The following PLA2R1 variants were observed in gnomAD, a reference collection of about 807,000 sequenced individuals.
PLA2R1 encodes the protein phospholipase A2 receptor 1.
PLA2R1 carries 158 observed loss-of-function variants against 195.9 expected under a neutral mutation model. The ratio of observed to expected loss-of-function variants is 0.81; its 90% CI spans 0.71 to 0.92. The LOEUF (loss-of-function observed/expected upper bound fraction) is 0.92, where lower values mean the gene tolerates loss of function less well. Among genes scored for constraint, PLA2R1 ranks in the 40% least tolerant of loss-of-function variants. The pLI, the probability that PLA2R1 is intolerant of heterozygous loss-of-function variation, is 0.00. For missense variants in PLA2R1, 1,626 were observed against 1,764.6 expected, an observed-to-expected ratio of 0.92 and a Z score of 1.41; for synonymous variants, 586 against 598.2, an observed-to-expected ratio of 0.98 and a Z score of 0.30.
Position 159,987,188 on chromosome 2 carries a change from C to T in PLA2R1, c.2005G>A (p.Glu669Lys). The change falls in exon 12 of 30, where the codon GAG becomes AAG. Residue 669 changes from glutamate to lysine, a missense_variant. Glu to Lys is a moderately conservative substitution (Grantham distance 56). Coordinates refer to ENST00000283243, the MANE Select transcript of PLA2R1 (RefSeq NM_007366.5). ...CAACTGGCCAGACCAGGCTCTGACT[C>T]CCAGTCCAAATAGCAGGGGTGAAAG... ...WPFHPCYLDW[E>K]SEPGLASCFK... 1 of 1,614,002 alleles carries T rather than the reference C, an allele frequency of 6.2e-7. No homozygotes were observed. The highest frequency in any genetic ancestry group is 8.5e-7 in the Non-Finnish European group (1 of 1,179,924).
At chr2:160,003,245 G>A (rs1240213769) in intron 11 of PLA2R1, among the ~76,000 whole-genome samples, 1 of 151,680 alleles carries the variant, frequency 6.6e-6, no homozygotes, top group Non-Finnish European at 1.5e-5. Flanking sequence ...AAAATATAAG[G>A]TTATATTTTT....
In PLA2R1 at chr2:159,943,874, C is replaced by T. The variant is rs546649293; in HGVS notation, c.4144+1032G>A. On this transcript the variant is annotated intron_variant, in intron 28 of 29. Coordinates refer to ENST00000283243, the MANE Select transcript of PLA2R1 (RefSeq NM_007366.5). ...GGGGTTTCAAACATTGGTGCCCACACCTGCAGTGTTTTCTTCTTCATTCCC... is the reference window on the plus strand; with the variant it reads ...GGGGTTTCAAACATTGGTGCCCACATCTGCAGTGTTTTCTTCTTCATTCCC... 8.6e-5 allele frequency among the ~76,000 whole-genome samples: 13 copies of T among 151,880 alleles called. 1 individual carries two copies. The highest frequency in any genetic ancestry group is 2.9e-4 in the African/African-American group (12 of 41,380).
rs1032499714 is a variant in PLA2R1, at chr2:160,042,141, T to C, written c.551A>G (p.Tyr184Cys). Residue 184 changes from tyrosine to cysteine, a missense_variant, in exon 3 of 30, where the codon TAT becomes TGT. Tyr to Cys is a radical substitution (Grantham distance 194, BLOSUM62 -2). Coordinates refer to ENST00000283243, the MANE Select transcript of PLA2R1 (RefSeq NM_007366.5). ...ACATTCATGATGCCACTGATGGTTATACTGGAAGGGAAACATACACGGCAT... is the reference window on the plus strand; with the variant it reads ...ACATTCATGATGCCACTGATGGTTACACTGGAAGGGAAACATACACGGCAT... ...HGMPCMFPFQ[Y>C]NHQWHHECTR... is the part of the protein sequence containing the mutation. The C allele has an allele frequency of 2.5e-6, 4 of 1,614,148 alleles. No individual in the cohort carries two copies. Among genetic ancestry groups the C allele is most frequent in the Non-Finnish European group, 3.4e-6 (4 of 1,179,934 alleles).
chr2:159,967,394 C>G, intron 20 of PLA2R1, 145 bp downstream of exon 20: 1 of 629,274 alleles, frequency 1.6e-6, no homozygotes, highest in East Asian at 2.7e-5. Context: ...ATGGAAAACT[C>G]AAATTTCTTG....
intron 1 of PLA2R1, among the ~76,000 whole-genome samples, chr2:160,054,587 T>C (rs1357397755): frequency 6.6e-6 from 1 of 152,228 alleles, no homozygotes; most frequent in African/African-American, 2.4e-5. Flanking sequence ...AAAAGTATCA[T>C]AAATTAAAAA....
chr2:160,016,050 G>C (rs1692721742), intron 9 of PLA2R1, among the ~76,000 whole-genome samples: 1 of 152,090 alleles, frequency 6.6e-6, no homozygotes, highest in Admixed American at 6.5e-5. Context: ...GATCACTTGA[G>C]GTCAGGAGTT....
chr2:160,049,596 G>A (rs190143310), intron 1 of PLA2R1, among the ~76,000 whole-genome samples: 1 of 152,270 alleles, frequency 6.6e-6, no homozygotes, highest in Admixed American at 6.5e-5. Flanking sequence ...GGTGGGGCGT[G>A]GTGGCTCACA....
intron 1 of PLA2R1, among the ~76,000 whole-genome samples, chr2:160,048,871 C>T (rs1695047832): frequency 7.2e-6 from 1 of 137,938 alleles, no homozygotes; most frequent in African/African-American, 2.8e-5. Context: ...GACAGAGTCT[C>T]GCTCTGTCAC....
intron 1 of PLA2R1, among the ~76,000 whole-genome samples, chr2:160,050,474 A>C (rs1695147578): frequency 6.6e-6 from 1 of 152,180 alleles, no homozygotes; most frequent in East Asian, 1.9e-4. Flanking sequence ...TTTGTCTTAG[A>C]AGTTTTATAT....
Position 160,053,104 on chromosome 2 carries a change from G to C in PLA2R1, c.110-7947C>G, listed in dbSNP as rs572605261. Among the ~76,000 whole-genome samples, 20 of 152,234 alleles carry C rather than the reference G, an allele frequency of 1.3e-4. 1 individual carries two copies. The East Asian group carries it at 3.3e-3, about 25-fold the overall frequency. On this transcript the variant is annotated intron_variant, in intron 1 of 29. Coordinates refer to ENST00000283243, the MANE Select transcript of PLA2R1 (RefSeq NM_007366.5). Reference sequence around the variant, plus strand: ...GTGAGATTACAGTGTGGCAGGGATGGTTCCTTCCAAGGGCTATGAGGGAAG... The same window carrying C: ...GTGAGATTACAGTGTGGCAGGGATGCTTCCTTCCAAGGGCTATGAGGGAAG...
intron 10 of PLA2R1, among the ~76,000 whole-genome samples, chr2:160,012,010 A>G (rs1316549581): frequency 2.0e-5 from 3 of 152,116 alleles, no homozygotes; most frequent in African/African-American, 7.2e-5. Context: ...TGTTTGGAAC[A>G]GAAGCTGGGT....
rs573690631 is a variant in PLA2R1, at chr2:159,980,069, A to G, written c.2184-155T>C. 4.6e-5 allele frequency among the ~76,000 whole-genome samples: 7 copies of G among 152,224 alleles called. No individual in the cohort carries two copies. In the South Asian group the frequency reaches 1.2e-3, roughly 27 times the overall value. On this transcript the variant is annotated intron_variant, in intron 13 of 29. Transcript: ENST00000283243. ...TAAAACTTAAAGTATAATAATAATAAAAGAAAAAATATTTTAAAATATTTA... is the reference window on the plus strand; with the variant it reads ...TAAAACTTAAAGTATAATAATAATAGAAGAAAAAATATTTTAAAATATTTA...
intron 1 of PLA2R1, among the ~76,000 whole-genome samples, chr2:160,047,080 C>T (rs1207276914): frequency 7.9e-5 from 12 of 152,316 alleles, no homozygotes; most frequent in Admixed American, 2.6e-4. Context: ...AGCTCTGCAA[C>T]GTACTGACTG....
chr2:159,946,167 G>T, intron 27 of PLA2R1: 2 of 792,834 alleles, frequency 2.5e-6, no homozygotes, highest in Non-Finnish European at 3.1e-6. Context: ...ACTAAAAGTT[G>T]GTCTGCTTTT....
chr2:159,947,352 C>A, intron 26 of PLA2R1, 67 bp downstream of exon 26: 1 of 1,332,514 alleles, frequency 7.5e-7, no homozygotes, highest in East Asian at 2.4e-5. Context: ...TAAAGAAATC[C>A]ACATTGTTTA....
intron 4 of PLA2R1, among the ~76,000 whole-genome samples, chr2:160,030,268 T>C (rs916407505): frequency 9.9e-5 from 15 of 152,272 alleles, no homozygotes; most frequent in African/African-American, 3.4e-4. Context: ...AGAAACAGCA[T>C]ACTATACACG....
intron 7 of PLA2R1, among the ~76,000 whole-genome samples, chr2:160,022,236 A>C (rs1558946794): frequency 6.6e-6 from 1 of 152,184 alleles, no homozygotes; most frequent in South Asian, 2.1e-4. Flanking sequence ...CAGTCTGAAC[A>C]TCACCTCACC....
At chr2:159,952,812 C>A (rs1341224502) in intron 23 of PLA2R1, among the ~76,000 whole-genome samples, 5 of 152,170 alleles carry the variant, frequency 3.3e-5, no homozygotes, top group Non-Finnish European at 7.3e-5. Context: ...CATACTCCCC[C>A]CAGTAAAAAT....
chr2:159,946,236 G>C (rs1053861995), intron 27 of PLA2R1: 5 of 979,244 alleles, frequency 5.1e-6, no homozygotes, highest in Non-Finnish European at 6.1e-6. Flanking sequence ...ACTCCTCCTC[G>C]AAAGGGTAGG....
Sources: allele counts gnomAD v4.1 joint callset (sites outside exome capture counted in the v4.1 genomes callset), GRCh38; gene constraint gnomAD v4.1.1; transcripts MANE v1.5; gene names NCBI Gene and HGNC (gene_info 2026-07-23, HGNC 2026-07-21).